The following GEMIN5 variants were observed in gnomAD, a reference collection of about 807,000 sequenced individuals.
The protein encoded by GEMIN5 is gem nuclear organelle associated protein 5, also known as gem-associated protein 5.
GEMIN5 carries 124 observed loss-of-function variants against 176.9 expected under a neutral mutation model. The ratio of observed to expected loss-of-function variants is 0.70; its 90% CI spans 0.61 to 0.81. GEMIN5 has a LOEUF of 0.81. Ranked by LOEUF, GEMIN5 falls within the 40% of genes least tolerant of loss-of-function variation. GEMIN5 has a pLI of 0.00. For synonymous variants in GEMIN5, 673 were observed against 665.2 expected, an observed-to-expected ratio of 1.01 and a Z score of -0.18; for missense variants, 1,843 against 1,814.6, an observed-to-expected ratio of 1.02 and a Z score of -0.28.
chr5:154,899,316 G>A lies in GEMIN5; in HGVS notation c.3015-6C>T, dbSNP rs772544165. 6.2e-7 allele frequency: 1 copy of A among 1,608,842 alleles called. No individual in the cohort carries two copies. Among genetic ancestry groups the A allele is most frequent in the South Asian group, 1.1e-5 (1 of 89,774 alleles). On this transcript the variant is annotated splice_polypyrimidine_tract_variant and splice_region_variant and intron_variant, in intron 21 of 27. Coordinates refer to ENST00000285873, the MANE Select transcript of GEMIN5 (RefSeq NM_015465.5). ...TGGCAATCGCAATAGCTTCCCTAAAGGCAAGAACAGACCCTTTAGCCAATC... is the reference window on the plus strand; with the variant it reads ...TGGCAATCGCAATAGCTTCCCTAAAAGCAAGAACAGACCCTTTAGCCAATC...
At position 154,926,060 on chromosome 5, in the gene GEMIN5, G is replaced by A; in HGVS notation, c.1095C>T (p.Asp365=). 6.2e-7 allele frequency: 1 copy of A among 1,609,884 alleles called. No individual in the cohort carries two copies. The highest frequency in any genetic ancestry group is 8.5e-7 in the Non-Finnish European group (1 of 1,176,314). ...TSMDRDVKCW[D]IATLECSWTL... Reference sequence around the variant, plus strand: ...TCCAGCTGCACTCCAAGGTGGCTATGTCCCAACATTTTACCTGCAAAGATT... The same window carrying A: ...TCCAGCTGCACTCCAAGGTGGCTATATCCCAACATTTTACCTGCAAAGATT... Residue 365 remains aspartate (D), a synonymous_variant, in exon 8 of 28, where the codon GAC becomes GAT. Transcript: ENST00000285873.
intron 16 of GEMIN5, among the ~76,000 whole-genome samples, 193 bp from the exon 17 acceptor site, chr5:154,905,669 G>A (rs1446552486): frequency 6.7e-6 from 1 of 149,126 alleles, no homozygotes; most frequent in Non-Finnish European, 1.5e-5. Flanking sequence ...CAAACTAGCT[G>A]TTTTCAGGAA....
intron 12 of GEMIN5, 67 bp from the exon 13 acceptor site, chr5:154,917,246 T>G: frequency 1.2e-6 from 1 of 828,740 alleles, no homozygotes; most frequent in Non-Finnish European, 1.8e-6. Flanking sequence ...ATGCAAATAG[T>G]AGCTCCCTCA....
chr5:154,907,620 G>C lies in GEMIN5; in HGVS notation c.2366C>G (p.Pro789Arg), dbSNP rs199960786. The change falls in exon 16 of 28, where the codon CCG (proline) becomes CGG (arginine). Residue 789 changes from proline (P) to arginine (R), a missense_variant. Coordinates refer to ENST00000285873, the MANE Select transcript of GEMIN5 (RefSeq NM_015465.5). Reference protein sequence around the residue: ...DQEGEEQAREPELPCGLAPAV... With the variant: ...DQEGEEQARERELPCGLAPAV... The stretch of plus-strand genomic sequence containing the variant: ...TGGAGCAAGGCCACAGGGTAATTCC[G>C]GCTCCCGTGCTTGCTCCTCCCCTTC... 2.3e-5 allele frequency: 37 copies of C among 1,613,908 alleles called. No homozygotes were observed. Among genetic ancestry groups the C allele is most frequent in the South Asian group, 4.4e-5 (4 of 91,072 alleles).
chr5:154,895,360 G>C (rs941818994), intron 24 of GEMIN5, among the ~76,000 whole-genome samples: 29 of 150,472 alleles, frequency 1.9e-4, no homozygotes, highest in African/African-American at 6.8e-4. Flanking sequence ...AAAAGAAGTA[G>C]GTATATTCAC....
At chr5:154,916,130 C>A (rs2113489128) in intron 13 of GEMIN5, among the ~76,000 whole-genome samples, 1 of 152,032 alleles carries the variant, frequency 6.6e-6, no homozygotes, top group Admixed American at 6.6e-5. Context: ...TCAAGCTATC[C>A]TTCCACTATG....
At chr5:154,937,226 C>A in intron 1 of GEMIN5, 41 bp from the exon 2 acceptor site, 3 of 1,527,576 alleles carry the variant, frequency 2.0e-6, no homozygotes, top group Non-Finnish European at 2.7e-6. Flanking sequence ...GAAGTGCTAT[C>A]CAAGGTTCCT....
chr5:154,897,065 A>C (rs1031694934), intron 23 of GEMIN5, among the ~76,000 whole-genome samples: 1 of 152,206 alleles, frequency 6.6e-6, no homozygotes, highest in South Asian at 2.1e-4. Context: ...ATAAAATGCT[A>C]AACAGTCATT....
chr5:154,892,473 T>G lies in GEMIN5; in HGVS notation c.3674A>C (p.Gln1225Pro), dbSNP rs1355036880. The G allele has an allele frequency of 6.2e-7, 1 of 1,614,194 alleles. No individual in the cohort carries two copies. The highest frequency in any genetic ancestry group is 8.5e-7 in the Non-Finnish European group (1 of 1,180,004). The change falls in exon 25 of 28, where the codon CAG (glutamine) becomes CCG (proline). Residue 1225 changes from glutamine (Q) to proline (P), a missense_variant. Coordinates refer to ENST00000285873, the MANE Select transcript of GEMIN5 (RefSeq NM_015465.5). ...QQMASWDEAV[Q>P]ALLRAVVRSY... is the part of the protein sequence containing the mutation. Reference sequence around the variant, plus strand: ...CCGGACCACCGCCCGAAGGAGCGCCTGCACAGCCTCGTCCCAGGAGGCCAT... The same window carrying G: ...CCGGACCACCGCCCGAAGGAGCGCCGGCACAGCCTCGTCCCAGGAGGCCAT...
chr5:154,932,457 TTCTC>T (rs550122907), intron 3 of GEMIN5, among the ~76,000 whole-genome samples: 45 of 152,344 alleles, frequency 3.0e-4, no homozygotes, highest in Non-Finnish European at 5.1e-4. Flanking sequence ...GTTAAAACCC[TTCTC>T]TCTATGATCA....
chr5:154,926,033 G>T lies in GEMIN5; in HGVS notation c.1122C>A (p.Thr374=). 1 of 1,613,590 alleles carries T rather than the reference G, an allele frequency of 6.2e-7. No homozygotes were observed. The highest frequency in any genetic ancestry group is 2.2e-5 in the East Asian group (1 of 44,860). ...ATGCAAACCCACCAAGGGAAGGAAGGGTCCAGCTGCACTCCAAGGTGGCTA... is the reference window on the plus strand; with the variant it reads ...ATGCAAACCCACCAAGGGAAGGAAGTGTCCAGCTGCACTCCAAGGTGGCTA... ...WDIATLECSW[T]LPSLGGFAYS... Residue 374 remains threonine, a synonymous_variant, in exon 8 of 28, where the codon ACC becomes ACA. Coordinates refer to ENST00000285873, the MANE Select transcript of GEMIN5 (RefSeq NM_015465.5).
intron 16 of GEMIN5, among the ~76,000 whole-genome samples, 171 bp from the exon 17 acceptor site, chr5:154,905,647 T>C (rs978481957): frequency 6.6e-6 from 1 of 152,126 alleles, no homozygotes; most frequent in African/African-American, 2.4e-5. Context: ...TAGTTTCCCC[T>C]TTCCCACCTC....
chr5:154,907,865 T>A, intron 15 of GEMIN5, 47 bp from the exon 16 acceptor site: 1 of 1,360,546 alleles, frequency 7.3e-7, no homozygotes, highest in Non-Finnish European at 1.0e-6. Flanking sequence ...CATTCTTGGT[T>A]AAAAGCACTC....
intron 15 of GEMIN5, among the ~76,000 whole-genome samples, chr5:154,911,524 C>G (rs553868751): frequency 1.2e-4 from 19 of 152,140 alleles, no homozygotes; most frequent in Admixed American, 1.1e-3. Flanking sequence ...AAAAAGAAAC[C>G]AAGATCTGAG....
intron 24 of GEMIN5, among the ~76,000 whole-genome samples, chr5:154,893,438 C>G (rs1328170425): frequency 6.6e-6 from 1 of 151,364 alleles, no homozygotes; most frequent in African/African-American, 2.4e-5. Flanking sequence ...AAATCAAAAC[C>G]CACCAAAAAC....
chr5:154,892,431 C>A lies in GEMIN5; in HGVS notation c.3716G>T (p.Ser1239Ile). ...GTACACTTCCTGCATGATGGTGAAG[C>A]TCCCTGAGTCATAGCTCCGGACCAC... is the stretch of plus-strand genomic sequence containing the variant. Reference protein sequence around the residue: ...RAVVRSYDSGSFTIMQEVYSA... With the variant: ...RAVVRSYDSGIFTIMQEVYSA... The change falls in exon 25 of 28, where the codon AGC becomes ATC. Residue 1239 changes from serine to isoleucine, a missense_variant. Physicochemically the swap from Ser to Ile is moderately radical, Grantham distance 142 (BLOSUM62 -2). Transcript: ENST00000285873. 1 of 1,614,176 alleles carries A rather than the reference C, an allele frequency of 6.2e-7. No individual in the cohort carries two copies. Among genetic ancestry groups the A allele is most frequent in the Non-Finnish European group, 8.5e-7 (1 of 1,180,026 alleles).
At chr5:154,907,178 T>A (rs1398816979) in intron 16 of GEMIN5, among the ~76,000 whole-genome samples, 1 of 152,186 alleles carries the variant, frequency 6.6e-6, no homozygotes, top group African/African-American at 2.4e-5. Flanking sequence ...GGTGAGAGCT[T>A]GCAAGTTCCC....
rs747730232 is a variant in GEMIN5 at position 154,907,616 on chromosome 5, T to G, written c.2370A>C (p.Glu790Asp). Residue 790 changes from glutamate to aspartate, a missense_variant, in exon 16 of 28, where the codon GAA (glutamate) becomes GAC (aspartate). Glu to Asp is a conservative substitution (Grantham distance 45). Transcript: ENST00000285873. ...QEGEEQAREP[E>D]LPCGLAPAVS... ...CCGCTGGAGCAAGGCCACAGGGTAA[T>G]TCCGGCTCCCGTGCTTGCTCCTCCC... 2.5e-6 allele frequency: 4 copies of G among 1,613,934 alleles called. No individual in the cohort carries two copies. In the East Asian group the frequency reaches 8.9e-5, roughly 36 times the overall value.
At chr5:154,896,477 C>T in intron 23 of GEMIN5, 134 bp from the exon 24 acceptor site, 1 of 799,360 alleles carries the variant, frequency 1.3e-6, no homozygotes, top group Non-Finnish European at 1.8e-6. Context: ...AGCTACCTGC[C>T]CCATATGAGT....
Sources: allele counts gnomAD v4.1 joint callset (sites outside exome capture counted in the v4.1 genomes callset), GRCh38; gene constraint gnomAD v4.1.1; transcripts MANE v1.5; gene names NCBI Gene and HGNC (gene_info 2026-07-23, HGNC 2026-07-21).